Variants in KCNMB4 observed in about 807,000 individuals in gnomAD.
KCNMB4 encodes the protein calcium-activated potassium channel subunit beta-4.
KCNMB4 carries 3 observed loss-of-function variants against 20.7 expected under a neutral mutation model. That is an observed-to-expected ratio of 0.14 (90% CI 0.07 to 0.37). The LOEUF is 0.37. Among genes scored for constraint, KCNMB4 ranks in the 10% least tolerant of loss-of-function variants. The probability of loss-of-function intolerance (pLI) is 1.00; values close to 1 mark genes in which losing one functional copy is unlikely to be tolerated. For synonymous variants in KCNMB4, 110 were observed against 113.4 expected (o/e 0.97, Z 0.19); for missense variants, 168 against 265.9 (o/e 0.63, Z 2.56).
chr12:70,411,421 G>C (rs374832490), intron 2 of KCNMB4, among the ~76,000 whole-genome samples: 2 of 152,090 alleles, frequency 1.3e-5, no homozygotes, highest in Non-Finnish European at 2.9e-5. Context: ...TTTTTAGGAA[G>C]ATTTTTACCA....
intron 1 of KCNMB4, among the ~76,000 whole-genome samples, chr12:70,398,251 T>G (rs1318339062): frequency 6.6e-6 from 1 of 152,114 alleles, no homozygotes; most frequent in Admixed American, 6.6e-5. Flanking sequence ...TCTGCTGGGT[T>G]CTTTCTTGGT....
intron 1 of KCNMB4, among the ~76,000 whole-genome samples, chr12:70,393,812 A>G (rs756736371): frequency 1.4e-4 from 20 of 140,274 alleles, no homozygotes; most frequent in Non-Finnish European, 2.9e-4. Context: ...GCATTTTCCA[A>G]CGCCATCTCC....
At chr12:70,426,089 TCAAGAC>T (rs1362939443) in intron 2 of KCNMB4, among the ~76,000 whole-genome samples, 1 of 151,890 alleles carries the variant, frequency 6.6e-6, no homozygotes, top group Non-Finnish European at 1.5e-5. Flanking sequence ...GGTCAGGAGT[TCAAGAC>T]CAGCCTGGCC....
rs547797856 is a variant in KCNMB4 at position 70,434,064 on chromosome 12, T to C, written c.*3411T>C. 3 of 152,382 alleles carry C rather than the reference T, an allele frequency of 2.0e-5. No homozygotes were observed. Among genetic ancestry groups the C allele is most frequent in the East Asian group, 3.9e-4 (2 of 5,184 alleles). 9.4% of individuals were successfully genotyped at this position (152,382 alleles called of 1,614,324 possible). ...AGACTCACCTTTCCCTTCTCCCTTATGCTGCACATCTGGGCAAGCTGATGG... is the reference window on the plus strand; with the variant it reads ...AGACTCACCTTTCCCTTCTCCCTTACGCTGCACATCTGGGCAAGCTGATGG... On this transcript the variant is annotated 3_prime_UTR_variant, in exon 3 of 3. Transcript: ENST00000258111.
chr12:70,430,259 CAT>C (rs747804924), intron 2 of KCNMB4, among the ~76,000 whole-genome samples: 3 of 152,050 alleles, frequency 2.0e-5, no homozygotes, highest in Non-Finnish European at 4.4e-5. Flanking sequence ...CACTTTGTAA[CAT>C]GTAAATTATA....
At position 70,431,461 on chromosome 12, in the gene KCNMB4, A is replaced by G. The variant is rs1237969429; in HGVS notation, c.*808A>G. ...AAAAAGTTTGTGTGCAATACAATATACATGATGTGAAGGACACTCTTCAGC... is the reference window on the plus strand; with the variant it reads ...AAAAAGTTTGTGTGCAATACAATATGCATGATGTGAAGGACACTCTTCAGC... On this transcript the variant is annotated 3_prime_UTR_variant, in exon 3 of 3. Coordinates refer to ENST00000258111, the MANE Select transcript of KCNMB4 (RefSeq NM_014505.6). 1.3e-5 allele frequency: 2 copies of G among 151,606 alleles called. No homozygotes were observed. The highest frequency in any genetic ancestry group is 2.9e-5 in the Non-Finnish European group (2 of 67,960). The allele number at this position is 151,606 out of a possible 1,614,324, so 9.4% of individuals were successfully genotyped here.
chr12:70,413,619 A>C (rs554192136), intron 2 of KCNMB4, among the ~76,000 whole-genome samples: 1 of 152,288 alleles, frequency 6.6e-6, no homozygotes, highest in South Asian at 2.1e-4. Flanking sequence ...TGTATTGTGG[A>C]GTTCACAGAC....
chr12:70,408,650 C>T (rs1021563124), intron 2 of KCNMB4, among the ~76,000 whole-genome samples: 34 of 152,030 alleles, frequency 2.2e-4, no homozygotes, highest in African/African-American at 7.5e-4. Flanking sequence ...TCTGCAGAGG[C>T]GTCACTGGGG....
chr12:70,371,095 G>T (rs1005196595), intron 1 of KCNMB4, among the ~76,000 whole-genome samples: 2 of 151,802 alleles, frequency 1.3e-5, no homozygotes, highest in Non-Finnish European at 2.9e-5. Context: ...GGCCTCAAGT[G>T]ATCCCCCTGC....
In KCNMB4 at chr12:70,400,278, T is replaced by A. The variant is rs1243285869; in HGVS notation, c.406T>A (p.Tyr136Asn). The change falls in exon 2 of 3, where the codon TAC becomes AAC. Residue 136 changes from tyrosine to asparagine, a missense_variant. Tyr to Asn is a moderately radical substitution (Grantham distance 143). Transcript: ENST00000258111. ...NLESVMNWQQ[Y>N]WKDEIGSQPF... The stretch of plus-strand genomic sequence containing the variant: ...GGAAAGTGTCATGAATTGGCAACAG[T>A]ACTGGAAAGATGAGATTGGTTCCCA... 6.2e-7 allele frequency: 1 copy of A among 1,613,146 alleles called. No individual in the cohort carries two copies. The highest frequency in any genetic ancestry group is 1.7e-5 in the Admixed American group (1 of 59,736).
chr12:70,379,608 G>A lies in KCNMB4; in HGVS notation c.336+12538G>A, dbSNP rs1372727874. On this transcript the variant is annotated intron_variant, in intron 1 of 2. Coordinates refer to ENST00000258111, the MANE Select transcript of KCNMB4 (RefSeq NM_014505.6). Reference sequence around the variant, plus strand: ...ATGTTTGTATTTTTTGTAGAGATGGGGTTTGGCCATGTTTCCCAGGCTGGT... The same window carrying A: ...ATGTTTGTATTTTTTGTAGAGATGGAGTTTGGCCATGTTTCCCAGGCTGGT... 2.0e-5 allele frequency among the ~76,000 whole-genome samples: 3 copies of A among 152,038 alleles called. No individual in the cohort carries two copies. In the East Asian group the frequency reaches 5.8e-4, roughly 29 times the overall value.
intron 1 of KCNMB4, among the ~76,000 whole-genome samples, chr12:70,394,552 C>T (rs1179218720): frequency 2.0e-5 from 3 of 152,136 alleles, no homozygotes; most frequent in Non-Finnish European, 2.9e-5. Context: ...CATATAATTT[C>T]GTATATATTT....
chr12:70,394,603 A>G (rs1188146823), intron 1 of KCNMB4, among the ~76,000 whole-genome samples: 2 of 151,814 alleles, frequency 1.3e-5, no homozygotes, highest in African/African-American at 4.8e-5. Context: ...GTATGTGTGT[A>G]TGTGTGTGTG....
At chr12:70,423,498 C>T (rs539351884) in intron 2 of KCNMB4, among the ~76,000 whole-genome samples, 1 of 151,828 alleles carries the variant, frequency 6.6e-6, no homozygotes, top group South Asian at 2.1e-4. Context: ...GAGAAGGTCT[C>T]AGTCTGTCGC....
At chr12:70,403,171 A>G (rs979511689) in intron 2 of KCNMB4, among the ~76,000 whole-genome samples, 3 of 133,494 alleles carry the variant, frequency 2.2e-5, no homozygotes, top group Admixed American at 7.9e-5. Flanking sequence ...CATATTCCAT[A>G]GTCATCGTCT....
rs571512951 is a variant in KCNMB4, at chr12:70,371,047, G to C, written c.336+3977G>C. On this transcript the variant is annotated intron_variant, in intron 1 of 2. Transcript: ENST00000258111. ...AATTTTTGTATATTTAGTAGAGACA[G>C]GGTTTCACTATGTTGGCCAGGCGGG... Among the ~76,000 whole-genome samples the C allele has an allele frequency of 2.0e-5, 3 of 152,094 alleles. No individual in the cohort carries two copies. The East Asian group carries it at 5.9e-4, about 30-fold the overall frequency.
intron 1 of KCNMB4, among the ~76,000 whole-genome samples, chr12:70,381,086 A>G (rs1433405746): frequency 6.6e-6 from 1 of 151,960 alleles, no homozygotes; most frequent in African/African-American, 2.4e-5. Context: ...TGGGCAAAGG[A>G]TGTGAATAGT....
At chr12:70,400,418 C>T in intron 2 of KCNMB4, 82 bp downstream of exon 2, 1 of 1,357,734 alleles carries the variant, frequency 7.4e-7, no homozygotes, top group Non-Finnish European at 9.9e-7. Context: ...AGATTATGCC[C>T]ACTTGACAGC....
intron 1 of KCNMB4, among the ~76,000 whole-genome samples, chr12:70,375,902 T>G (rs781383953): frequency 2.6e-5 from 4 of 152,182 alleles, no homozygotes; most frequent in Non-Finnish European, 5.9e-5. Context: ...CCTTTTCTTG[T>G]GATGTCTTTG....
Sources: gnomAD v4.1 joint callset for allele counts (sites outside exome capture counted in the v4.1 genomes callset) on GRCh38, gnomAD v4.1.1 for gene constraint, MANE v1.5 for transcripts, NCBI Gene and HGNC (gene_info 2026-07-23, HGNC 2026-07-21) for gene names.